SLK: variants seen among roughly 807,000 people sequenced by gnomAD.
SLK encodes STE20-like serine/threonine-protein kinase.
In SLK, 67 loss-of-function variants were observed where a neutral mutation model predicts 147.7. The observed-to-expected ratio is 0.45, with a 90% CI of 0.37 to 0.56. The LOEUF is 0.56. SLK is among the 20% of genes least tolerant of loss of function. The probability of loss-of-function intolerance (pLI) is 0.00; values close to 1 mark genes in which losing one functional copy is unlikely to be tolerated. For missense variants in SLK, 1,136 were observed against 1,438.8 expected, an observed-to-expected ratio of 0.79 and a Z score of 3.41; for synonymous variants, 441 against 475.0, an observed-to-expected ratio of 0.93 and a Z score of 0.93.
intron 1 of SLK, 146 bp downstream of exon 1, chr10:103,968,041 C>A: frequency 2.5e-6 from 2 of 809,090 alleles, no homozygotes; most frequent in Non-Finnish European, 3.8e-6. Context: ...GCTGATCATC[C>A]AAGGAGTAGC....
Position 103,999,106 on chromosome 10 carries a change from T to C in SLK, c.588-13T>C. ...TCTTAAACATGTTAACTTTTAATTA[T>C]CTGTCTTCATAGGATGGCTCCTGAA... On this transcript the variant is annotated splice_polypyrimidine_tract_variant and intron_variant, in intron 5 of 18. Coordinates refer to ENST00000369755, the MANE Select transcript of SLK (RefSeq NM_014720.4). The C allele has an allele frequency of 1.3e-6, 2 of 1,595,092 alleles. No individual in the cohort carries two copies. The highest frequency in any genetic ancestry group is 1.7e-6 in the Non-Finnish European group (2 of 1,169,972).
chr10:104,002,744 T>A lies in SLK; in HGVS notation c.1566T>A (p.Leu522=), dbSNP rs369382208. 6.2e-7 allele frequency: 1 copy of A among 1,613,684 alleles called. No individual in the cohort carries two copies. The highest frequency in any genetic ancestry group is 1.7e-5 in the Admixed American group (1 of 59,958). The part of the protein sequence containing the change: ...NIQAVDSEVG[L]TKEDTQEKLG... ...AGGCAGTTGATAGTGAAGTTGGGCT[T>A]ACAAAGGAAGACACCCAAGAGAAAT... Residue 522 remains leucine (L), a synonymous_variant, in exon 9 of 19, where the codon CTT becomes CTA. Transcript: ENST00000369755.
intron 13 of SLK, among the ~76,000 whole-genome samples, chr10:104,016,295 G>A (rs1238812838): frequency 3.3e-5 from 5 of 151,760 alleles, no homozygotes; most frequent in Non-Finnish European, 7.4e-5. Flanking sequence ...TTCCAGCCTG[G>A]GTGACAGAGC....
At chr10:103,973,099 C>T (rs1843815744) in intron 1 of SLK, among the ~76,000 whole-genome samples, 1 of 152,210 alleles carries the variant, frequency 6.6e-6, no homozygotes, top group African/African-American at 2.4e-5. Context: ...GACATTTCTT[C>T]CTAATGTGTG....
rs576592879 is a variant in SLK at position 104,028,017 on chromosome 10, A to C, written c.*2297A>C. ...TTCATTTTAATACTTAAAGTTATAT[A>C]AATCTTTTCAAAAAGTGTTTTGTTA... On this transcript the variant is annotated 3_prime_UTR_variant, in exon 19 of 19. Transcript: ENST00000369755. 6.6e-6 allele frequency: 1 copy of C among 152,310 alleles called. No individual in the cohort carries two copies. The highest frequency in any genetic ancestry group is 1.9e-4 in the East Asian group (1 of 5,192). The allele number at this position is 152,310 out of a possible 1,614,324, so 9.4% of individuals were successfully genotyped here. A position where few individuals can be genotyped will look rare whatever the true frequency, so the allele number is the denominator to read the frequency against.
intron 6 of SLK, 143 bp downstream of exon 6, chr10:103,999,456 GGTAT>G (rs1261719288): frequency 7.8e-6 from 5 of 638,314 alleles, no homozygotes; most frequent in Non-Finnish European, 1.3e-5. Context: ...AGTGATTTTT[GGTAT>G]ATTTCTCTTA....
Position 104,027,304 on chromosome 10 carries a change from G to A in SLK, c.*1584G>A, listed in dbSNP as rs1304354307. On this transcript the variant is annotated 3_prime_UTR_variant, in exon 19 of 19. Transcript: ENST00000369755. ...TTGAATTTTATAATTGTTTTGACAA[G>A]CATAATTTACTTGGACAACTTCGTA... The A allele has an allele frequency of 6.6e-6, 1 of 152,558 alleles. No individual in the cohort carries two copies. Among genetic ancestry groups the A allele is most frequent in the Non-Finnish European group, 1.5e-5 (1 of 68,014 alleles). The allele number at this position is 152,558 out of a possible 1,614,324, so 9.5% of individuals were successfully genotyped here. A position where few individuals can be genotyped will look rare whatever the true frequency, so the allele number is the denominator to read the frequency against.
chr10:103,975,597 G>A (rs568916850), intron 1 of SLK, among the ~76,000 whole-genome samples: 6 of 152,064 alleles, frequency 3.9e-5, no homozygotes, highest in East Asian at 3.9e-4. Context: ...TTTTAATCCT[G>A]TAATCATTTA....
At chr10:104,016,817 A>T (rs1160750659) in intron 13 of SLK, among the ~76,000 whole-genome samples, 1 of 152,010 alleles carries the variant, frequency 6.6e-6, no homozygotes, top group Non-Finnish European at 1.5e-5. Context: ...ACCTCATCAG[A>T]CTCTGAGGCC....
chr10:103,999,105 A>T lies in SLK; in HGVS notation c.588-14A>T. 2.5e-6 allele frequency: 4 copies of T among 1,594,504 alleles called. No homozygotes were observed. The highest frequency in any genetic ancestry group is 3.4e-6 in the Non-Finnish European group (4 of 1,169,620). ...TTCTTAAACATGTTAACTTTTAATT[A>T]TCTGTCTTCATAGGATGGCTCCTGA... On this transcript the variant is annotated splice_polypyrimidine_tract_variant and intron_variant, in intron 5 of 18. Coordinates refer to ENST00000369755, the MANE Select transcript of SLK (RefSeq NM_014720.4).
At chr10:103,973,444 A>G (rs750942714) in intron 1 of SLK, among the ~76,000 whole-genome samples, 1 of 152,196 alleles carries the variant, frequency 6.6e-6, no homozygotes, top group Non-Finnish European at 1.5e-5. Flanking sequence ...TGCTTCTTCA[A>G]CATAGTTTAG....
intron 12 of SLK, 44 bp from the exon 13 acceptor site, chr10:104,010,772 A>C: frequency 8.1e-7 from 1 of 1,237,002 alleles, no homozygotes. Flanking sequence ...CTTGCTGTGG[A>C]GAAAGTATCA....
At chr10:103,971,267 G>GA (rs1843788613) in intron 1 of SLK, among the ~76,000 whole-genome samples, 1 of 117,478 alleles carries the variant, frequency 8.5e-6, no homozygotes, top group South Asian at 2.7e-4. Context: ...TGTTGTTGTT[G>GA]TTTTGTTTGT....
chr10:104,015,601 C>T (rs535057909), intron 13 of SLK, among the ~76,000 whole-genome samples: 1 of 152,308 alleles, frequency 6.6e-6, no homozygotes, highest in African/African-American at 2.4e-5. Context: ...AGGCAGAACT[C>T]TCTTTCATTA....
chr10:104,004,227 A>G (rs999287760), intron 9 of SLK, among the ~76,000 whole-genome samples: 1 of 152,148 alleles, frequency 6.6e-6, no homozygotes, highest in Non-Finnish European at 1.5e-5. Context: ...ACTGACATAG[A>G]TGGATCTCTA....
rs769551462 is a variant in SLK, at chr10:103,970,024, C to T, written c.150+2129C>T. On this transcript the variant is annotated intron_variant, in intron 1 of 18. Transcript: ENST00000369755. ...CACTGGCTCTGGAGTTGGAATATAACTTAGCTCTCTCACTCAATAGCAGCA... is the reference window on the plus strand; with the variant it reads ...CACTGGCTCTGGAGTTGGAATATAATTTAGCTCTCTCACTCAATAGCAGCA... Among the ~76,000 whole-genome samples, 14 of 152,308 alleles carry T rather than the reference C, an allele frequency of 9.2e-5. No homozygotes were observed. The South Asian group carries it at 1.4e-3, about 16-fold the overall frequency.
Position 104,016,059 on chromosome 10 carries a change from T to C in SLK, c.2878-2101T>C, listed in dbSNP as rs148551403. On this transcript the variant is annotated intron_variant, in intron 13 of 18. Coordinates refer to ENST00000369755, the MANE Select transcript of SLK (RefSeq NM_014720.4). ...TGAGGCTGGGCGCGTTGGCTCACGC[T>C]TGTAATCCCAGCACTTTGGGAGGCC... Among the ~76,000 whole-genome samples, 651 of 152,118 alleles carry C rather than the reference T, an allele frequency of 4.3e-3. 2 individuals are homozygous for C. Among genetic ancestry groups the C allele is most frequent in the Middle Eastern group, 0.017 (5 of 292 alleles).
Position 104,002,189 on chromosome 10 carries a change from G to T in SLK, c.1011G>T (p.Lys337Asn), listed in dbSNP as rs773877151. Residue 337 changes from lysine (K) to asparagine (N), a missense_variant, in exon 9 of 19, where the codon AAG becomes AAT. Physicochemically the swap from Lys to Asn is moderately conservative, Grantham distance 94 (BLOSUM62 0). Coordinates refer to ENST00000369755, the MANE Select transcript of SLK (RefSeq NM_014720.4). Reference sequence around the variant, plus strand: ...TTTTTTAGCCAATACCTGCAAGTAAGCGTGCATCTTCTGACCTTAGTATCG... The same window carrying T: ...TTTTTTAGCCAATACCTGCAAGTAATCGTGCATCTTCTGACCTTAGTATCG... Reference protein sequence around the residue: ...TENSLPIPASKRASSDLSIAS... With the variant: ...TENSLPIPASNRASSDLSIAS... The T allele has an allele frequency of 6.3e-7, 1 of 1,584,710 alleles. No homozygotes were observed. Among genetic ancestry groups the T allele is most frequent in the South Asian group, 1.1e-5 (1 of 88,578 alleles).
Position 103,967,883 on chromosome 10 carries a change from G to A in SLK, c.138G>A (p.Gly46=), listed in dbSNP as rs1464408063. 5 of 1,592,992 alleles carry A rather than the reference G, an allele frequency of 3.1e-6. No individual in the cohort carries two copies. The highest frequency in any genetic ancestry group is 4.3e-6 in the Non-Finnish European group (5 of 1,169,674). ...GAGAACTGGGCGACGGAGCCTTTGG[G>A]AAAGTGTACAAGGTAAGAGGGGGAA... ...IIGELGDGAF[G]KVYKAQNKET... is the part of the protein sequence containing the mutation. Residue 46 remains glycine (G), a synonymous_variant, in exon 1 of 19, where the codon GGG becomes GGA. Coordinates refer to ENST00000369755, the MANE Select transcript of SLK (RefSeq NM_014720.4).
Sources: allele counts gnomAD v4.1 joint callset (sites outside exome capture counted in the v4.1 genomes callset), GRCh38; gene constraint gnomAD v4.1.1; transcripts MANE v1.5; gene names NCBI Gene and HGNC (gene_info 2026-07-23, HGNC 2026-07-21).